The following CRPPA variants were observed in gnomAD, a reference collection of about 807,000 sequenced individuals.
CRPPA encodes the protein CDP-L-ribitol pyrophosphorylase A, also known as D-ribitol-5-phosphate cytidylyltransferase.
CRPPA carries 43 observed loss-of-function variants against 52.0 expected under a neutral mutation model. The ratio of observed to expected loss-of-function variants is 0.83; its 90% CI spans 0.65 to 1.07. The LOEUF is 1.07. CRPPA is among the 50% of genes least tolerant of loss of function. CRPPA has a pLI of 0.00. For missense variants in CRPPA, 629 were observed against 551.7 expected (o/e 1.14, Z -1.40); for synonymous variants, 250 against 203.5 (o/e 1.23, Z -1.94).
intron 3 of CRPPA, among the ~76,000 whole-genome samples, chr7:16,360,316 T>C (rs541565369): frequency 5.8e-4 from 88 of 152,280 alleles, no homozygotes; most frequent in African/African-American, 1.9e-3. Context: ...CCATTAGATT[T>C]GGGACACTAT....
At chr7:16,284,869 G>A (rs770096695) in intron 5 of CRPPA, among the ~76,000 whole-genome samples, 1 of 152,070 alleles carries the variant, frequency 6.6e-6, no homozygotes. Flanking sequence ...CTTGTACCAC[G>A]TGTTTGGAAG....
intron 9 of CRPPA, among the ~76,000 whole-genome samples, chr7:16,161,195 C>T (rs1386053114): frequency 2.0e-5 from 3 of 152,126 alleles, no homozygotes; most frequent in Non-Finnish European, 4.4e-5. Context: ...TGCCTCTTTG[C>T]CCTGGCCAGA....
intron 6 of CRPPA, among the ~76,000 whole-genome samples, chr7:16,260,919 G>A (rs1783777599): frequency 6.6e-6 from 1 of 151,864 alleles, no homozygotes; most frequent in Non-Finnish European, 1.5e-5. Context: ...ACAAAACTTT[G>A]CCACCAGTTT....
At chr7:16,294,212 A>T (rs549634114) in intron 5 of CRPPA, among the ~76,000 whole-genome samples, 42 of 152,078 alleles carry the variant, frequency 2.8e-4, no homozygotes, top group African/African-American at 1.0e-3. Context: ...TTTGAGCATA[A>T]ATATCATCAT....
intron 9 of CRPPA, among the ~76,000 whole-genome samples, chr7:16,166,251 A>T (rs932394115): frequency 1.3e-5 from 2 of 152,030 alleles, no homozygotes; most frequent in Non-Finnish European, 2.9e-5. Flanking sequence ...AGATAGTTGC[A>T]TGAAGATTCC....
chr7:16,297,226 T>A (rs1477858397), intron 5 of CRPPA, among the ~76,000 whole-genome samples: 1 of 152,186 alleles, frequency 6.6e-6, no homozygotes, highest in Non-Finnish European at 1.5e-5. Context: ...GAGAGCAATG[T>A]ATATATCTTA....
At chr7:16,410,562 C>G (rs1448504644) in intron 1 of CRPPA, among the ~76,000 whole-genome samples, 3 of 152,080 alleles carry the variant, frequency 2.0e-5, no homozygotes, top group African/African-American at 7.2e-5. Flanking sequence ...TCTTCTTAAC[C>G]CAATACAATC....
At chr7:16,192,063 T>C (rs927479841) in intron 9 of CRPPA, among the ~76,000 whole-genome samples, 2 of 152,100 alleles carry the variant, frequency 1.3e-5, no homozygotes, top group Admixed American at 6.6e-5. Flanking sequence ...AAAAAAGGGA[T>C]GAAGTCTTCC....
In CRPPA at chr7:16,186,701, C is replaced by T. The variant is rs567509833; in HGVS notation, c.1251+29365G>A. On this transcript the variant is annotated intron_variant, in intron 9 of 9. Coordinates refer to ENST00000407010, the MANE Select transcript of CRPPA (RefSeq NM_001101426.4). ...GTCTTAGCCTCAGGATATAGTACTACACAATTTATATGTTTTAAATAGTTT... is the reference window on the plus strand; with the variant it reads ...GTCTTAGCCTCAGGATATAGTACTATACAATTTATATGTTTTAAATAGTTT... Among the ~76,000 whole-genome samples, 5 of 152,266 alleles carry T rather than the reference C, an allele frequency of 3.3e-5. No individual in the cohort carries two copies. In the South Asian group the frequency reaches 1.0e-3, roughly 32 times the overall value.
At chr7:16,373,763 A>G (rs1786810410) in intron 3 of CRPPA, among the ~76,000 whole-genome samples, 1 of 152,198 alleles carries the variant, frequency 6.6e-6, no homozygotes, top group South Asian at 2.1e-4. Context: ...AAGCATGGCT[A>G]GAGCATATAT....
At position 16,089,718 on chromosome 7, in the gene CRPPA, A is replaced by G. The variant is rs1781796314; in HGVS notation, c.*1977T>C. The G allele has an allele frequency of 5.1e-6, 1 of 196,822 alleles. No homozygotes were observed. The highest frequency in any genetic ancestry group is 1.1e-4 in the East Asian group (1 of 8,804). 12.2% of individuals were successfully genotyped at this position (196,822 alleles called of 1,614,324 possible). A position where few individuals can be genotyped will look rare whatever the true frequency, so the allele number is the denominator to read the frequency against. ...TTTTCCAGGCACAACTTAATATTTTATTAACTAAATTATACTAAATGTTAC... is the reference window on the plus strand; with the variant it reads ...TTTTCCAGGCACAACTTAATATTTTGTTAACTAAATTATACTAAATGTTAC... On this transcript the variant is annotated 3_prime_UTR_variant, in exon 10 of 10. Coordinates refer to ENST00000407010, the MANE Select transcript of CRPPA (RefSeq NM_001101426.4).
At chr7:16,301,365 C>T in intron 5 of CRPPA, 56 bp downstream of exon 5, 5 of 1,429,022 alleles carry the variant, frequency 3.5e-6, no homozygotes, top group East Asian at 2.3e-5. Flanking sequence ...TGAGAAATTC[C>T]GAACTGGCTT....
Position 16,090,000 on chromosome 7 carries a change from A to G in CRPPA, c.*1695T>C. On this transcript the variant is annotated 3_prime_UTR_variant, in exon 10 of 10. Transcript: ENST00000407010. ...AACATTTTCACCTGATGACTTCAAC[A>G]GGTGCATGTTGGGGACTTGGCAGCT... 6.5e-6 allele frequency: 1 copy of G among 153,888 alleles called. No individual in the cohort carries two copies. Among genetic ancestry groups the G allele is most frequent in the Non-Finnish European group, 1.4e-5 (1 of 69,094 alleles). 9.5% of individuals were successfully genotyped at this position (153,888 alleles called of 1,614,324 possible).
At chr7:16,185,204 A>G (rs7808453) in intron 9 of CRPPA, among the ~76,000 whole-genome samples, 118,769 of 152,152 alleles carry the variant, frequency 0.78, 48,125 homozygotes, top group Admixed American at 0.88. Flanking sequence ...AAGGCGTGTC[A>G]CACATGGCAG....
chr7:16,327,671 T>C (rs2128429015), intron 3 of CRPPA, among the ~76,000 whole-genome samples: 1 of 151,338 alleles, frequency 6.6e-6, no homozygotes, highest in Non-Finnish European at 1.5e-5. Context: ...ACACATGCTC[T>C]TCCCAGGGTA....
intron 3 of CRPPA, 95 bp downstream of exon 3, chr7:16,375,997 G>T: frequency 8.4e-7 from 1 of 1,194,488 alleles, no homozygotes; most frequent in Non-Finnish European, 1.2e-6. Flanking sequence ...ATAACTATAC[G>T]CTCAGTCCCA....
At chr7:16,344,856 T>C (rs931150213) in intron 3 of CRPPA, among the ~76,000 whole-genome samples, 3 of 150,578 alleles carry the variant, frequency 2.0e-5, no homozygotes, top group Non-Finnish European at 4.4e-5. Context: ...AGATTATCAG[T>C]GGATAATAAT....
At chr7:16,358,257 C>A (rs1043703763) in intron 3 of CRPPA, among the ~76,000 whole-genome samples, 1 of 152,024 alleles carries the variant, frequency 6.6e-6, no homozygotes, top group Admixed American at 6.5e-5. Flanking sequence ...GGAACAGAAG[C>A]CCCCTCCTCC....
chr7:16,221,499 T>C (rs1411449250), intron 8 of CRPPA, among the ~76,000 whole-genome samples: 1 of 151,838 alleles, frequency 6.6e-6, no homozygotes, highest in African/African-American at 2.4e-5. Context: ...ACCATCAGAG[T>C]GAACAGGCAA....
Sources: gnomAD v4.1 joint callset for allele counts (sites outside exome capture counted in the v4.1 genomes callset) on GRCh38, gnomAD v4.1.1 for gene constraint, MANE v1.5 for transcripts, NCBI Gene and HGNC (gene_info 2026-07-23, HGNC 2026-07-21) for gene names.